DENND2A: variants seen among roughly 807,000 people sequenced by gnomAD.
The protein encoded by DENND2A is DENN domain-containing protein 2A.
A neutral mutation model predicts 105.3 loss-of-function variants in DENND2A; 53 were observed. The observed-to-expected ratio is 0.50, with a 90% CI of 0.40 to 0.63. The LOEUF (loss-of-function observed/expected upper bound fraction) is 0.63, where lower values mean the gene tolerates loss of function less well. Among genes scored for constraint, DENND2A ranks in the 30% least tolerant of loss-of-function variants. The pLI is 0.00. For missense variants in DENND2A, 1,138 were observed against 1,279.6 expected, an observed-to-expected ratio of 0.89 and a Z score of 1.69; for synonymous variants, 522 against 508.4, an observed-to-expected ratio of 1.03 and a Z score of -0.36.
chr7:140,605,527 C>G (rs1371012651), intron 2 of DENND2A, among the ~76,000 whole-genome samples, 178 bp downstream of exon 2: 1 of 151,798 alleles, frequency 6.6e-6, no homozygotes, highest in African/African-American at 2.4e-5. Context: ...CTCTCTCGAT[C>G]AGTTTGGCCT....
At chr7:140,541,400 C>T (rs1404789917) in intron 14 of DENND2A, among the ~76,000 whole-genome samples, 1 of 152,080 alleles carries the variant, frequency 6.6e-6, no homozygotes, top group Non-Finnish European at 1.5e-5. Flanking sequence ...GGCACGTTCC[C>T]GGGGGACTCT....
chr7:140,522,341 T>C (rs1563114833), intron 17 of DENND2A, among the ~76,000 whole-genome samples: 1 of 152,214 alleles, frequency 6.6e-6, no homozygotes, highest in Non-Finnish European at 1.5e-5. Flanking sequence ...TGAGATGGAG[T>C]CTCACTCCAT....
chr7:140,553,429 T>G (rs1797221873), intron 12 of DENND2A, among the ~76,000 whole-genome samples: 1 of 152,196 alleles, frequency 6.6e-6, no homozygotes. Context: ...GACATTCCAT[T>G]GCGCAGGCAC....
Position 140,601,456 on chromosome 7 carries a change from G to A in DENND2A, c.942C>T (p.Ser314=), listed in dbSNP as rs770800056. Residue 314 remains serine (S), a synonymous_variant, in exon 3 of 20, where the codon TCC becomes TCT. Transcript: ENST00000496613. ...CGGTCCACAGTCTTCTGTTCACAGA[G>A]GAAGGTGGGGGAGAGGAGGGCAGAG... ...PPPLPSSPPP[S]SVNRRLWTGR... 1.2e-6 allele frequency: 2 copies of A among 1,613,542 alleles called. No individual in the cohort carries two copies. The highest frequency in any genetic ancestry group is 1.7e-5 in the Admixed American group (1 of 59,938).
At position 140,569,715 on chromosome 7, in the gene DENND2A, A is replaced by G. The variant is rs746913377; in HGVS notation, c.1470T>C (p.Ile490=). The G allele has an allele frequency of 6.2e-7, 1 of 1,613,630 alleles. No individual in the cohort carries two copies. The highest frequency in any genetic ancestry group is 1.7e-5 in the Admixed American group (1 of 59,982). The change falls in exon 7 of 20, where the codon ATT becomes ATC. Residue 490 remains isoleucine, a synonymous_variant. Transcript: ENST00000496613. Reference sequence around the variant, plus strand: ...GTTTCTTTCCTCTCCGGACCTCATAAATGGCGTTGATTCGCAACACCAGCT... The same window carrying G: ...GTTTCTTTCCTCTCCGGACCTCATAGATGGCGTTGATTCGCAACACCAGCT... The part of the protein sequence containing the change: ...IPKLVLRINA[I]YEVRRGKKRV...
chr7:140,567,936 T>A, intron 8 of DENND2A, among the ~76,000 whole-genome samples: 1 of 152,094 alleles, frequency 6.6e-6, no homozygotes. Flanking sequence ...CGTTCAGCAA[T>A]CTGGACTTGC....
Position 140,567,170 on chromosome 7 carries a change from G to T in DENND2A, c.1695C>A (p.Phe565Leu). 2 of 1,613,696 alleles carry T rather than the reference G, an allele frequency of 1.2e-6. No individual in the cohort carries two copies. Among genetic ancestry groups the T allele is most frequent in the Non-Finnish European group, 1.7e-6 (2 of 1,179,894 alleles). Residue 565 changes from phenylalanine to leucine, a missense_variant, in exon 9 of 20, where the codon TTC (phenylalanine) becomes TTA (leucine). Around this residue, in one of 2 missense-constraint regions of DENND2A, gnomAD observed 627 missense variants for 779.8 expected, o/e 0.80. Transcript: ENST00000496613. ...GCAAAGACACAACCACAAAGTACTCGAAGAGCTGCCTCTCCTGGTACTCGA... is the reference window on the plus strand; with the variant it reads ...GCAAAGACACAACCACAAAGTACTCTAAGAGCTGCCTCTCCTGGTACTCGA... ...ELIEYQERQL[F>L]EYFVVVSLHK...
At chr7:140,581,583 A>G (rs762604762) in intron 5 of DENND2A, among the ~76,000 whole-genome samples, 2 of 152,208 alleles carry the variant, frequency 1.3e-5, no homozygotes. Context: ...TAGATACTCC[A>G]TGAATATTTG....
chr7:140,594,162 A>G (rs1340494831), intron 3 of DENND2A, among the ~76,000 whole-genome samples: 1 of 151,850 alleles, frequency 6.6e-6, no homozygotes, highest in Non-Finnish European at 1.5e-5. Flanking sequence ...CCCCCTTCAG[A>G]CTCCCAAAAT....
rs757695883 is a variant in DENND2A, at chr7:140,601,420, T to C, written c.978A>G (p.Lys326=). 2 of 1,602,030 alleles carry C rather than the reference T, an allele frequency of 1.2e-6. No homozygotes were observed. The highest frequency in any genetic ancestry group is 1.7e-6 in the Non-Finnish European group (2 of 1,174,622). ...VNRRLWTGRQ[K]SSADHRKSYE... ...GCACCTACCTGTGGTCTGCACTGGA[T>C]TTCTGTCTCCCGGTCCACAGTCTTC... is the stretch of plus-strand genomic sequence containing the variant. The change falls in exon 3 of 20, where the codon AAA becomes AAG. Residue 326 remains lysine (K), a synonymous_variant. Transcript: ENST00000496613.
chr7:140,526,925 TGG>T (rs1466047133), intron 15 of DENND2A, among the ~76,000 whole-genome samples: 1 of 151,946 alleles, frequency 6.6e-6, no homozygotes, highest in Non-Finnish European at 1.5e-5. Context: ...ACCCAGAACT[TGG>T]GGATTAAAAA....
chr7:140,523,492 G>C lies in DENND2A; in HGVS notation c.2548-68C>G. 1 of 1,381,052 alleles carries C rather than the reference G, an allele frequency of 7.2e-7. No homozygotes were observed. Among genetic ancestry groups the C allele is most frequent in the Non-Finnish European group, 1.0e-6 (1 of 974,024 alleles). The allele number at this position is 1,381,052 out of a possible 1,614,324, so 85.5% of individuals were successfully genotyped here. A position where few individuals can be genotyped will look rare whatever the true frequency, so the allele number is the denominator to read the frequency against. On this transcript the variant is annotated intron_variant, in intron 16 of 19. Transcript: ENST00000496613. This position sits in a 1 kb window ranked among gnomAD's most constrained non-coding sequence, Gnocchi z 4.5. ...TGCGTCTTGGCCATAGGACACACTGGAGCCACTGCAGGGCAGGCCTGGCTC... is the reference window on the plus strand; with the variant it reads ...TGCGTCTTGGCCATAGGACACACTGCAGCCACTGCAGGGCAGGCCTGGCTC...
At chr7:140,590,970 C>T (rs1798992551) in intron 3 of DENND2A, among the ~76,000 whole-genome samples, 1 of 152,018 alleles carries the variant, frequency 6.6e-6, no homozygotes, top group South Asian at 2.1e-4. Flanking sequence ...TTAGAAAAGT[C>T]CAATTTGAAA....
At chr7:140,553,478 A>C (rs769181188) in intron 12 of DENND2A, among the ~76,000 whole-genome samples, 1 of 152,138 alleles carries the variant, frequency 6.6e-6, no homozygotes, top group Non-Finnish European at 1.5e-5. Context: ...TCAACTGCAA[A>C]GAGGCATTCC....
intron 12 of DENND2A, among the ~76,000 whole-genome samples, chr7:140,554,098 T>C (rs1302424667): frequency 2.6e-5 from 4 of 151,882 alleles, no homozygotes; most frequent in Non-Finnish European, 5.9e-5. Context: ...TGGTGGCATG[T>C]GCCTGTAGTC....
intron 1 of DENND2A, among the ~76,000 whole-genome samples, chr7:140,614,198 G>A (rs1345633326): frequency 6.6e-6 from 1 of 151,954 alleles, no homozygotes; most frequent in East Asian, 1.9e-4. Flanking sequence ...CTACCTCCTG[G>A]GCTCAAGTGA....
intron 1 of DENND2A, among the ~76,000 whole-genome samples, chr7:140,626,302 T>A (rs2130730178): frequency 1.3e-5 from 2 of 152,336 alleles, no homozygotes; most frequent in African/African-American, 4.8e-5. Context: ...GGCCAGATCC[T>A]CCACTTCCAG....
chr7:140,575,124 G>A (rs1314854400), intron 5 of DENND2A, among the ~76,000 whole-genome samples: 3 of 152,004 alleles, frequency 2.0e-5, no homozygotes, highest in African/African-American at 7.3e-5. Context: ...CCCAAAATAC[G>A]CTACAAATTA....
At chr7:140,555,799 T>C (rs1797342330) in intron 11 of DENND2A, 86 bp from the exon 12 acceptor site, 2 of 1,102,992 alleles carry the variant, frequency 1.8e-6, no homozygotes, top group South Asian at 1.6e-5. Context: ...GAGACTATCA[T>C]GTGCCAGATG....
Sources: gnomAD v4.1 joint callset for allele counts (sites outside exome capture counted in the v4.1 genomes callset) on GRCh38, gnomAD v4.1.1 for gene constraint, gnomAD v4.1.1 regional missense constraint, Gnocchi (gnomAD v3.1) non-coding constraint, MANE v1.5 for transcripts, NCBI Gene and HGNC (gene_info 2026-07-23, HGNC 2026-07-21) for gene names.